ITPR1: variants seen among roughly 807,000 people sequenced by gnomAD.
ITPR1 encodes inositol 1,4,5-trisphosphate receptor type 1, also known as inositol 1,4,5-trisphosphate-gated calcium channel ITPR1.
In ITPR1, 96 loss-of-function variants were observed where a neutral mutation model predicts 318.4. That is an observed-to-expected ratio of 0.30 (90% CI 0.26 to 0.36). The LOEUF is 0.36. Among genes scored for constraint, ITPR1 ranks in the 10% least tolerant of loss-of-function variants. The pLI is 1.00. For synonymous variants in ITPR1, 1,312 were observed against 1,289.9 expected, an observed-to-expected ratio of 1.02 and a Z score of -0.37; for missense variants, 2,440 against 3,460.2, an observed-to-expected ratio of 0.71 and a Z score of 7.40.
intron 2 of ITPR1, among the ~76,000 whole-genome samples, chr3:4,501,769 C>T (rs550081932): frequency 9.9e-5 from 15 of 152,256 alleles, no homozygotes; most frequent in South Asian, 4.1e-4. Context: ...AGCTTTTATT[C>T]GCTGTTCACA....
At chr3:4,641,849 TC>T (rs1240088680) in intron 6 of ITPR1, among the ~76,000 whole-genome samples, 1 of 152,238 alleles carries the variant, frequency 6.6e-6, no homozygotes, top group African/African-American at 2.4e-5. Context: ...ATCCATCTTG[TC>T]CAAGGCTTTG....
chr3:4,842,559 G>C (rs1244341148), intron 61 of ITPR1, among the ~76,000 whole-genome samples: 1 of 152,086 alleles, frequency 6.6e-6, no homozygotes. Flanking sequence ...GTAGAGATGG[G>C]GTTTTACCAT....
At chr3:4,731,010 T>C (rs1040183940) in intron 42 of ITPR1, among the ~76,000 whole-genome samples, 2 of 152,192 alleles carry the variant, frequency 1.3e-5, no homozygotes, top group Non-Finnish European at 2.9e-5. Context: ...ATCACTCCTG[T>C]TGCTGGAACT....
At position 4,518,311 on chromosome 3, in the gene ITPR1, G is replaced by A. The variant is rs116049603; in HGVS notation, c.92+1728G>A. Among the ~76,000 whole-genome samples, 1,050 of 152,010 alleles carry A rather than the reference G, an allele frequency of 6.9e-3. 12 individuals carry two copies. Among genetic ancestry groups the A allele is most frequent in the African/African-American group, 0.024 (1,001 of 41,444 alleles). Reference sequence around the variant, plus strand: ...TCTTAGTACCTTCTTTCTCTTCCAGGGCATCTCTTCTTTAAAATCATATGA... The same window carrying A: ...TCTTAGTACCTTCTTTCTCTTCCAGAGCATCTCTTCTTTAAAATCATATGA... On this transcript the variant is annotated intron_variant, in intron 3 of 61. Coordinates refer to ENST00000649015, the MANE Select transcript of ITPR1 (RefSeq NM_001378452.1).
chr3:4,738,357 G>A (rs2043433194), intron 44 of ITPR1, among the ~76,000 whole-genome samples: 2 of 152,230 alleles, frequency 1.3e-5, no homozygotes, highest in African/African-American at 2.4e-5. Context: ...GACTAAAGGG[G>A]TGGGGGTGAG....
chr3:4,779,430 T>C lies in ITPR1; in HGVS notation c.6292-120T>C, dbSNP rs1344223003. 8.6e-6 allele frequency: 6 copies of C among 698,104 alleles called. No homozygotes were observed. The highest frequency in any genetic ancestry group is 7.0e-5 in the African/African-American group (4 of 56,944). The allele number at this position is 698,104 out of a possible 1,614,324, so 43.2% of individuals were successfully genotyped here. A position where few individuals can be genotyped will look rare whatever the true frequency, so the allele number is the denominator to read the frequency against. On this transcript the variant is annotated intron_variant, in intron 48 of 61. Transcript: ENST00000649015. The surrounding 1 kb of genome is among the most constrained non-coding windows in gnomAD (Gnocchi z 4.0). ...ATGTCCTTAACCCAGAGCTTCCTCA[T>C]GGGGTGAAATGTTCGTCTGTTTAGC...
At chr3:4,665,893 G>A (rs79523122) in intron 17 of ITPR1, among the ~76,000 whole-genome samples, 2 of 152,098 alleles carry the variant, frequency 1.3e-5, no homozygotes, top group Non-Finnish European at 2.9e-5. Context: ...TACATCATTG[G>A]TTCTTAACTG....
intron 61 of ITPR1, among the ~76,000 whole-genome samples, chr3:4,837,343 C>T (rs1230729644): frequency 6.6e-6 from 1 of 151,980 alleles, no homozygotes; most frequent in African/African-American, 2.4e-5. Flanking sequence ...AAATCCTCAC[C>T]CCATATATTT....
intron 5 of ITPR1, among the ~76,000 whole-genome samples, chr3:4,630,632 G>T (rs1253867730): frequency 6.7e-6 from 1 of 150,168 alleles, no homozygotes; most frequent in East Asian, 1.9e-4. Flanking sequence ...GTTGCCCAGG[G>T]TGGAGTGCAG....
intron 50 of ITPR1, 117 bp from the exon 51 acceptor site, chr3:4,783,699 C>A (rs1575231031): frequency 1.2e-6 from 1 of 831,918 alleles, no homozygotes; most frequent in Non-Finnish European, 2.0e-6. Flanking sequence ...GGCACCTTTG[C>A]CCTTTGGCTT....
chr3:4,711,237 A>G (rs936982001), intron 38 of ITPR1, among the ~76,000 whole-genome samples: 5 of 141,338 alleles, frequency 3.5e-5, no homozygotes, highest in African/African-American at 1.3e-4. Context: ...AAAAAAAAAG[A>G]GATTTTTACC....
At chr3:4,538,438 A>G (rs1348360771) in intron 4 of ITPR1, among the ~76,000 whole-genome samples, 2 of 152,182 alleles carry the variant, frequency 1.3e-5, no homozygotes, top group Admixed American at 1.3e-4. Context: ...ATGTTTTTAC[A>G]CTGTTGGTGG....
chr3:4,508,465 T>G (rs1228443830), intron 2 of ITPR1, among the ~76,000 whole-genome samples: 4 of 151,292 alleles, frequency 2.6e-5, no homozygotes, highest in East Asian at 1.9e-4. Flanking sequence ...GTTTTTTTTT[T>G]TTTTTTTTTT....
intron 4 of ITPR1, among the ~76,000 whole-genome samples, chr3:4,548,997 G>A (rs6802929): frequency 0.3 from 45,507 of 151,932 alleles, 7,783 homozygotes; most frequent in African/African-American, 0.45. Context: ...TCGGGAGGGG[G>A]GGACTTGTTT....
chr3:4,842,455 C>A (rs1185218751), intron 61 of ITPR1, among the ~76,000 whole-genome samples: 1 of 152,178 alleles, frequency 6.6e-6, no homozygotes, highest in Non-Finnish European at 1.5e-5. Flanking sequence ...GCAGCCTCCA[C>A]CTCCCAGGTT....
chr3:4,728,101 C>G (rs2042652485), intron 42 of ITPR1, among the ~76,000 whole-genome samples: 1 of 152,180 alleles, frequency 6.6e-6, no homozygotes, highest in African/African-American at 2.4e-5. Flanking sequence ...CACTGTTTTC[C>G]TTTGATGAAG....
chr3:4,607,169 T>C (rs573927204), intron 4 of ITPR1, among the ~76,000 whole-genome samples: 1 of 152,182 alleles, frequency 6.6e-6, no homozygotes, highest in Non-Finnish European at 1.5e-5. Flanking sequence ...AGAACCTTGT[T>C]GCTCAGTGTG....
chr3:4,672,740 A>G (rs1452098493), intron 20 of ITPR1, among the ~76,000 whole-genome samples: 6 of 152,250 alleles, frequency 3.9e-5, no homozygotes, highest in Non-Finnish European at 8.8e-5. Flanking sequence ...TGATATCTTG[A>G]ACATTTCCTA....
rs9838623 is a variant in ITPR1, at chr3:4,564,414, A to G, written c.163+43320A>G. ...CTTCTCCAAATTTACCCTTTTTATA[A>G]GAATCTAAGTCATGTCGGAATAGGT... On this transcript the variant is annotated intron_variant, in intron 4 of 61. Transcript: ENST00000649015. Among the ~76,000 whole-genome samples, 622 of 152,246 alleles carry G rather than the reference A, an allele frequency of 4.1e-3. 7 individuals carry two copies. The highest frequency in any genetic ancestry group is 0.014 in the African/African-American group (594 of 41,544).
Sources: allele counts gnomAD v4.1 joint callset (sites outside exome capture counted in the v4.1 genomes callset), GRCh38; gene constraint gnomAD v4.1.1; non-coding constraint Gnocchi (gnomAD v3.1); transcripts MANE v1.5; gene names NCBI Gene and HGNC (gene_info 2026-07-23, HGNC 2026-07-21).